The following NMI variants were observed in gnomAD, a reference collection of about 807,000 sequenced individuals.
NMI encodes the protein N-myc and STAT interactor, also known as N-myc-interactor.
A neutral mutation model predicts 34.3 loss-of-function variants in NMI; 39 were observed. The observed-to-expected ratio is 1.14, with a 90% CI of 0.88 to 1.49. The LOEUF (loss-of-function observed/expected upper bound fraction) is 1.49, where lower values mean the gene tolerates loss of function less well. Among genes scored for constraint, NMI ranks in the 40% most tolerant of loss-of-function variants. NMI has a pLI of 0.00. For synonymous variants in NMI, 113 were observed against 120.3 expected, an observed-to-expected ratio of 0.94 and a Z score of 0.40; for missense variants, 339 against 358.1, an observed-to-expected ratio of 0.95 and a Z score of 0.43.
rs1683431869 is a variant in NMI at position 151,282,927 on chromosome 2, T to C, written c.22A>G (p.Thr8Ala). Residue 8 changes from threonine to alanine, a missense_variant, in exon 2 of 8, where the codon ACA becomes GCA. Thr to Ala is a moderately conservative substitution (Grantham distance 58). Coordinates refer to ENST00000243346, the MANE Select transcript of NMI (RefSeq NM_004688.3). ...GAATGCTCCTTAAGAATTTGTTGTG[T>C]GTCATCTTTATCAGCTTCCATGATC... MEADKDD[T>A]QQILKEHSPD... 2 of 1,527,322 alleles carry C rather than the reference T, an allele frequency of 1.3e-6. No individual in the cohort carries two copies. The highest frequency in any genetic ancestry group is 2.4e-5 in the East Asian group (1 of 42,302). 94.6% of individuals were successfully genotyped at this position (1,527,322 alleles called of 1,614,324 possible).
chr2:151,275,396 A>G, intron 6 of NMI, 88 bp downstream of exon 6: 1 of 1,198,372 alleles, frequency 8.3e-7, no homozygotes, highest in Non-Finnish European at 1.2e-6. Context: ...CATTCCAAAT[A>G]AAAGAAGTAG....
intron 6 of NMI, 85 bp from the exon 7 acceptor site, chr2:151,271,817 C>T (rs200447909): frequency 1.5e-6 from 1 of 678,962 alleles, no homozygotes; most frequent in Non-Finnish European, 2.6e-6. Flanking sequence ...AAAGAGAACA[C>T]TATTACAGTA....
intron 3 of NMI, among the ~76,000 whole-genome samples, chr2:151,279,619 G>A (rs575331916): frequency 4.1e-4 from 62 of 152,166 alleles, no homozygotes; most frequent in Non-Finnish European, 7.1e-4. Context: ...TGGAACTACA[G>A]GCATGCGCTA....
intron 6 of NMI, among the ~76,000 whole-genome samples, chr2:151,274,390 T>C (rs1018271302): frequency 3.4e-5 from 5 of 148,580 alleles, no homozygotes; most frequent in African/African-American, 1.2e-4. Flanking sequence ...TGACATGTTT[T>C]AATGTGCCCA....
At chr2:151,287,687 C>T (rs1372434802) in intron 1 of NMI, among the ~76,000 whole-genome samples, 1 of 152,098 alleles carries the variant, frequency 6.6e-6, no homozygotes, top group Admixed American at 6.5e-5. Context: ...CTTTGCGGCG[C>T]TTTAATTACG....
chr2:151,287,071 C>T (rs1683513081), intron 1 of NMI, among the ~76,000 whole-genome samples: 1 of 152,134 alleles, frequency 6.6e-6, no homozygotes, highest in Non-Finnish European at 1.5e-5. Flanking sequence ...TAACGTAGCA[C>T]TCCACATTCC....
intron 1 of NMI, among the ~76,000 whole-genome samples, chr2:151,283,328 G>A (rs898113218): frequency 1.3e-5 from 2 of 151,996 alleles, no homozygotes; most frequent in Non-Finnish European, 2.9e-5. Flanking sequence ...TTTTAGTAGA[G>A]ATGGGGTTTC....
rs1177560631 is a variant in NMI at position 151,270,613 on chromosome 2, A to G, written c.*80T>C. 13 of 1,168,342 alleles carry G rather than the reference A, an allele frequency of 1.1e-5. No individual in the cohort carries two copies. Among genetic ancestry groups the G allele is most frequent in the Admixed American group, 4.9e-5 (2 of 40,798 alleles). The allele number at this position is 1,168,342 out of a possible 1,614,324, so 72.4% of individuals were successfully genotyped here. A position where few individuals can be genotyped will look rare whatever the true frequency, so the allele number is the denominator to read the frequency against. ...GTAAAAATTAAAGTTTTCATTTTTT[A>G]AGGAAAAGCATATTCATTTTTGTCA... On this transcript the variant is annotated 3_prime_UTR_variant, in exon 8 of 8. Coordinates refer to ENST00000243346, the MANE Select transcript of NMI (RefSeq NM_004688.3).
intron 1 of NMI, among the ~76,000 whole-genome samples, chr2:151,284,159 C>T (rs565300377): frequency 6.6e-6 from 1 of 152,224 alleles, no homozygotes; most frequent in South Asian, 2.1e-4. Context: ...AGTTTGAGAC[C>T]AGCCTGGCCA....
At chr2:151,285,889 C>T (rs982219726) in intron 1 of NMI, among the ~76,000 whole-genome samples, 10 of 152,086 alleles carry the variant, frequency 6.6e-5, no homozygotes, top group South Asian at 2.1e-4. Context: ...CATGTTGAAA[C>T]GACACAGAAT....
intron 1 of NMI, among the ~76,000 whole-genome samples, chr2:151,288,504 A>C (rs1285218102): frequency 6.6e-6 from 1 of 152,144 alleles, no homozygotes; most frequent in Admixed American, 6.5e-5. Context: ...CTTTGATTTT[A>C]ACCCAGTGAG....
At position 151,271,870 on chromosome 2, in the gene NMI, C is replaced by T. The variant is rs1203796959; in HGVS notation, c.635-138G>A. ...TTAATTTTTAAGAAATTCTAAAGCC[C>T]ACTTTGAAGACTTCACAGTACATAA... On this transcript the variant is annotated intron_variant, in intron 6 of 7. Transcript: ENST00000243346. The T allele has an allele frequency of 2.8e-5, 16 of 571,328 alleles. No individual in the cohort carries two copies. In the East Asian group the frequency reaches 4.8e-4, roughly 17 times the overall value. 35.4% of individuals were successfully genotyped at this position (571,328 alleles called of 1,614,324 possible).
chr2:151,286,620 TA>T (rs1683502509), intron 1 of NMI, among the ~76,000 whole-genome samples: 1 of 120,332 alleles, frequency 8.3e-6, no homozygotes. Context: ...ACAGAACAAT[TA>T]CCTCTAGTCC....
chr2:151,270,835 C>T lies in NMI; in HGVS notation c.782G>A (p.Gly261Glu). 1 of 1,613,822 alleles carries T rather than the reference C, an allele frequency of 6.2e-7. No homozygotes were observed. Among genetic ancestry groups the T allele is most frequent in the Non-Finnish European group, 8.5e-7 (1 of 1,179,818 alleles). Residue 261 changes from glycine (G) to glutamate (E), a missense_variant, in exon 8 of 8, where the codon GGA (glycine) becomes GAA (glutamate). Transcript: ENST00000243346. ...GTSKRTVLLT[G>E]MEGIQMDEEI... ...TTCATCCATTTGAATGCCTTCCATT[C>T]CTGTCAGAAGCACTGTCCTCTTAGA...
chr2:151,278,638 A>G (rs1421987137), intron 4 of NMI, 190 bp downstream of exon 4: 8 of 538,466 alleles, frequency 1.5e-5, no homozygotes, highest in Non-Finnish European at 2.7e-5. Flanking sequence ...TGAATACAAG[A>G]TCATATTCAA....
Position 151,270,747 on chromosome 2 carries a change from T to C in NMI, c.870A>G (p.Val290=), listed in dbSNP as rs1683168166. ...FQRAKNGGGE[V]DVVKCSLGQP... ...GACCTAGAGAACACTTGACCACATC[T>C]ACTTCTCCACCTCCATTCTTTGCCC... The change falls in exon 8 of 8, where the codon GTA becomes GTG. Residue 290 remains valine, a synonymous_variant. Transcript: ENST00000243346. 1 of 1,613,938 alleles carries C rather than the reference T, an allele frequency of 6.2e-7. No homozygotes were observed. Among genetic ancestry groups the C allele is most frequent in the Non-Finnish European group, 8.5e-7 (1 of 1,179,950 alleles).
At chr2:151,283,048 C>T (rs979990843) in intron 1 of NMI, 94 bp from the exon 2 acceptor site, 4 of 549,310 alleles carry the variant, frequency 7.3e-6, no homozygotes, top group South Asian at 4.2e-5. Flanking sequence ...ATGGAAGAAA[C>T]ATCTCTTCTT....
chr2:151,275,355 T>G (rs1410457663), intron 6 of NMI, 129 bp downstream of exon 6: 7 of 822,058 alleles, frequency 8.5e-6, no homozygotes, highest in Non-Finnish European at 1.3e-5. Flanking sequence ...TTTTATAAGG[T>G]TTTTTAAAAT....
chr2:151,278,472 G>T (rs1039445671), intron 4 of NMI: 7 of 185,298 alleles, frequency 3.8e-5, no homozygotes, highest in African/African-American at 1.7e-4. Flanking sequence ...TTATGGAATT[G>T]TGTGAGTATA....
Sources: allele counts gnomAD v4.1 joint callset (sites outside exome capture counted in the v4.1 genomes callset), GRCh38; gene constraint gnomAD v4.1.1; transcripts MANE v1.5; gene names NCBI Gene and HGNC (gene_info 2026-07-23, HGNC 2026-07-21).